Variants in CENPO observed in about 807,000 individuals in gnomAD.
CENPO encodes the protein centromeric protein O.
A neutral mutation model predicts 36.1 loss-of-function variants in CENPO; 30 were observed. The observed-to-expected ratio is 0.83, with a 90% CI of 0.62 to 1.13. The LOEUF is 1.13. Among genes scored for constraint, CENPO ranks in the 50% most tolerant of loss-of-function variants. The pLI, the probability that CENPO is intolerant of heterozygous loss-of-function variation, is 0.00. For synonymous variants in CENPO, 171 were observed against 142.3 expected, an observed-to-expected ratio of 1.20 and a Z score of -1.44; for missense variants, 349 against 357.8, an observed-to-expected ratio of 0.98 and a Z score of 0.20.
At chr2:24,819,168 CT>C (rs1214633411) in intron 7 of CENPO, 185 bp from the exon 8 acceptor site, 1 of 152,686 alleles carries the variant, frequency 6.5e-6, no homozygotes, top group African/African-American at 2.4e-5. Flanking sequence ...TCCACAATCA[CT>C]TTCAAGTTGA....
At chr2:24,793,767 G>C in intron 1 of CENPO, 85 bp from the exon 2 acceptor site, 1 of 1,103,786 alleles carries the variant, frequency 9.1e-7, no homozygotes, top group Non-Finnish European at 1.4e-6. Context: ...CGGCCCAGGG[G>C]TTGTGCCTGA....
chr2:24,806,213 C>T (rs2148270274), intron 3 of CENPO, among the ~76,000 whole-genome samples: 1 of 152,316 alleles, frequency 6.6e-6, no homozygotes. Context: ...TTTCCAGGTG[C>T]CGTCTGTCAC....
chr2:24,817,260 TGA>T (rs776806411), intron 6 of CENPO, among the ~76,000 whole-genome samples: 4 of 152,152 alleles, frequency 2.6e-5, no homozygotes, highest in South Asian at 2.1e-4. Flanking sequence ...CCAGACTGGC[TGA>T]GAGAGAGATT....
At chr2:24,806,679 C>G (rs1558375043) in intron 3 of CENPO, among the ~76,000 whole-genome samples, 1 of 152,158 alleles carries the variant, frequency 6.6e-6, no homozygotes, top group South Asian at 2.1e-4. Flanking sequence ...GTTTTACATT[C>G]CCAGCAATAG....
At position 24,820,671 on chromosome 2, in the gene CENPO, G is replaced by GT; in HGVS notation, c.*1357dup. On this transcript the variant is annotated 3_prime_UTR_variant, in exon 8 of 8. Coordinates refer to ENST00000380834, the MANE Select transcript of CENPO (RefSeq NM_001322101.2). ...GGGCACGTGGGAAAGCACTGTTCCGGTTTTGTTCTCATGCCGAGTCTGAGC... is the reference window on the plus strand; with the variant it reads ...GGGCACGTGGGAAAGCACTGTTCCGGTTTTTGTTCTCATGCCGAGTCTGAGC... The GT allele has an allele frequency of 6.2e-7, 1 of 1,609,784 alleles. No homozygotes were observed. Among genetic ancestry groups the GT allele is most frequent in the Non-Finnish European group, 8.5e-7 (1 of 1,177,300 alleles).
At chr2:24,801,853 A>G (rs1026094234) in intron 3 of CENPO, among the ~76,000 whole-genome samples, 1 of 152,164 alleles carries the variant, frequency 6.6e-6, no homozygotes, top group Non-Finnish European at 1.5e-5. Context: ...GTTTTTTCCA[A>G]TTCTGTGAAG....
At chr2:24,818,051 T>A (rs1428409564) in intron 7 of CENPO, among the ~76,000 whole-genome samples, 4 of 152,260 alleles carry the variant, frequency 2.6e-5, no homozygotes, top group Non-Finnish European at 4.4e-5. Context: ...TAGTTGATCA[T>A]ACATTTTAGT....
rs1347720879 is a variant in CENPO at position 24,819,911 on chromosome 2, C to G, written c.*593C>G. On this transcript the variant is annotated 3_prime_UTR_variant, in exon 8 of 8. Coordinates refer to ENST00000380834, the MANE Select transcript of CENPO (RefSeq NM_001322101.2). The stretch of plus-strand genomic sequence containing the variant: ...AATAAATTCTCCCTTCCGGTTTGGA[C>G]TGTTGCAGGCTCGAGGCCATTCAGG... 1.2e-6 allele frequency: 2 copies of G among 1,609,596 alleles called. No homozygotes were observed. Among genetic ancestry groups the G allele is most frequent in the Non-Finnish European group, 1.7e-6 (2 of 1,178,514 alleles).
chr2:24,811,282 C>CTTTTTTTTTTTTTTTTTTT (rs70947848), intron 3 of CENPO, among the ~76,000 whole-genome samples: 1 of 105,548 alleles, frequency 9.5e-6, no homozygotes, highest in African/African-American at 3.8e-5. Context: ...AGTCCATGAA[C>CTTTTTTTTTTTTTTTTTTT]TTTTTTTTTT....
At chr2:24,797,703 G>C (rs1389837740) in intron 2 of CENPO, among the ~76,000 whole-genome samples, 1 of 152,200 alleles carries the variant, frequency 6.6e-6, no homozygotes, top group Non-Finnish European at 1.5e-5. Context: ...TGTTGAACAA[G>C]GCATACCAAC....
intron 3 of CENPO, among the ~76,000 whole-genome samples, chr2:24,807,432 G>T (rs76114856): frequency 0.042 from 6,391 of 152,198 alleles, 200 homozygotes; most frequent in Non-Finnish European, 0.066. Context: ...TGAATGTTCT[G>T]ACTGTGAGAT....
chr2:24,804,895 C>T (rs186186945), intron 3 of CENPO, among the ~76,000 whole-genome samples: 41 of 152,296 alleles, frequency 2.7e-4, no homozygotes, highest in Admixed American at 7.2e-4. Context: ...TGGGGAAGTT[C>T]TCCTGGATAA....
intron 2 of CENPO, 47 bp from the exon 3 acceptor site, chr2:24,799,628 T>G: frequency 1.6e-4 from 232 of 1,480,124 alleles, no homozygotes; most frequent in Non-Finnish European, 2.0e-4. Flanking sequence ...GTTGCCACAG[T>G]GAGAAATCCT....
Position 24,812,790 on chromosome 2 carries a change from T to G in CENPO, c.217-1586T>G, listed in dbSNP as rs544873326. Among the ~76,000 whole-genome samples the G allele has an allele frequency of 2.4e-3, 359 of 152,258 alleles. 2 individuals carry two copies. The highest frequency in any genetic ancestry group is 0.02 in the Middle Eastern group (6 of 294). On this transcript the variant is annotated intron_variant, in intron 3 of 7. Transcript: ENST00000380834. ...CTGGGTTTCCATCTTTTAGCCTGTT[T>G]TAATGGCCATGCCCCATTATTGAAA...
At chr2:24,798,695 C>A (rs1318517468) in intron 2 of CENPO, among the ~76,000 whole-genome samples, 4 of 151,998 alleles carry the variant, frequency 2.6e-5, no homozygotes, top group African/African-American at 9.7e-5. Context: ...GTCCCGACCT[C>A]GTGATCCACC....
chr2:24,806,542 A>G (rs1211389703), intron 3 of CENPO, among the ~76,000 whole-genome samples: 2 of 152,194 alleles, frequency 1.3e-5, no homozygotes, highest in South Asian at 2.1e-4. Flanking sequence ...AACCTGCCCT[A>G]ATAAACACCT....
chr2:24,804,681 T>C (rs1666303497), intron 3 of CENPO, among the ~76,000 whole-genome samples: 1 of 152,236 alleles, frequency 6.6e-6, no homozygotes, highest in South Asian at 2.1e-4. Flanking sequence ...TTGTAGAGTT[T>C]GTGCCGAGAG....
intron 5 of CENPO, 45 bp downstream of exon 5, chr2:24,815,801 CA>C (rs1193442369): frequency 2.4e-5 from 38 of 1,588,586 alleles, no homozygotes; most frequent in Non-Finnish European, 3.2e-5. Flanking sequence ...GGCCCAAGAT[CA>C]ACTTAAAAGG....
Position 24,793,507 on chromosome 2 carries a change from C to T in CENPO, c.-69+6C>T, listed in dbSNP as rs1209145533. ...AATTCTCGCTTCTGGCCTGGGTGAG[C>T]TAGAAGGGAGAAGGTAGGGGAAAGA... On this transcript the variant is annotated splice_donor_region_variant and intron_variant, in intron 1 of 7. Transcript: ENST00000380834. 1 of 1,591,180 alleles carries T rather than the reference C, an allele frequency of 6.3e-7. No homozygotes were observed. Among genetic ancestry groups the T allele is most frequent in the Admixed American group, 1.8e-5 (1 of 57,020 alleles).
Sources: allele counts gnomAD v4.1 joint callset (sites outside exome capture counted in the v4.1 genomes callset), GRCh38; gene constraint gnomAD v4.1.1; transcripts MANE v1.5; gene names NCBI Gene and HGNC (gene_info 2026-07-23, HGNC 2026-07-21).